The following CADPS2 variants were observed in gnomAD, a reference collection of about 807,000 sequenced individuals.
The protein encoded by CADPS2 is calcium-dependent secretion activator 2.
Under a neutral mutation model 172.5 loss-of-function variants are expected in CADPS2, and 93 were observed. That is an observed-to-expected ratio of 0.54 (90% CI 0.46 to 0.64). The LOEUF (loss-of-function observed/expected upper bound fraction) is 0.64, where lower values mean the gene tolerates loss of function less well. Among genes scored for constraint, CADPS2 ranks in the 30% least tolerant of loss-of-function variants. The probability of loss-of-function intolerance (pLI) is 0.00; values close to 1 mark genes in which losing one functional copy is unlikely to be tolerated. For missense variants in CADPS2, 1,420 were observed against 1,565.9 expected, an observed-to-expected ratio of 0.91 and a Z score of 1.57; for synonymous variants, 546 against 555.2, an observed-to-expected ratio of 0.98 and a Z score of 0.23.
chr7:122,355,671 C>A (rs2039302690), intron 27 of CADPS2, among the ~76,000 whole-genome samples: 1 of 151,568 alleles, frequency 6.6e-6, no homozygotes, highest in African/African-American at 2.4e-5. Context: ...TCTTTATCTT[C>A]TCATCATCTT....
chr7:122,583,779 A>G (rs967832917), intron 6 of CADPS2, among the ~76,000 whole-genome samples: 1 of 151,362 alleles, frequency 6.6e-6, no homozygotes, highest in African/African-American at 2.4e-5. Flanking sequence ...AATATCATAT[A>G]CATAACATAC....
chr7:122,491,626 C>T (rs1219207927), intron 9 of CADPS2, among the ~76,000 whole-genome samples: 3 of 152,080 alleles, frequency 2.0e-5, no homozygotes, highest in Non-Finnish European at 4.4e-5. Flanking sequence ...TCTTCTATGC[C>T]TATGATCCAG....
intron 6 of CADPS2, among the ~76,000 whole-genome samples, chr7:122,581,981 G>C (rs2068889546): frequency 6.6e-6 from 1 of 151,966 alleles, no homozygotes; most frequent in South Asian, 2.1e-4. Flanking sequence ...TTGCAGACCA[G>C]TTCATTCTAC....
intron 5 of CADPS2, among the ~76,000 whole-genome samples, chr7:122,618,210 C>G (rs988866038): frequency 1.3e-5 from 2 of 152,234 alleles, no homozygotes; most frequent in East Asian, 3.9e-4. Context: ...TCTTCTGAAG[C>G]CTTAATGAAC....
At chr7:122,825,307 G>A (rs1183205792) in intron 1 of CADPS2, among the ~76,000 whole-genome samples, 6 of 152,122 alleles carry the variant, frequency 3.9e-5, no homozygotes, top group African/African-American at 1.4e-4. Flanking sequence ...GCCATCAATT[G>A]TAAAAGCAAA....
intron 1 of CADPS2, among the ~76,000 whole-genome samples, chr7:122,839,529 A>T (rs564474173): frequency 3.3e-4 from 50 of 152,338 alleles, no homozygotes; most frequent in Admixed American, 2.1e-3. Context: ...CAATCTACTC[A>T]TCTGACAAAG....
At chr7:122,877,846 A>G (rs1436572197) in intron 1 of CADPS2, among the ~76,000 whole-genome samples, 1 of 152,180 alleles carries the variant, frequency 6.6e-6, no homozygotes, top group African/African-American at 2.4e-5. Flanking sequence ...CAGAAATCCT[A>G]TGATTTTTAA....
chr7:122,694,109 G>A (rs965088409), intron 2 of CADPS2, among the ~76,000 whole-genome samples: 5 of 152,186 alleles, frequency 3.3e-5, no homozygotes, highest in Non-Finnish European at 2.9e-5. Flanking sequence ...AATGATTCAG[G>A]GTAGGCAAAT....
At chr7:122,643,621 C>A (rs569301011) in intron 3 of CADPS2, among the ~76,000 whole-genome samples, 1 of 152,172 alleles carries the variant, frequency 6.6e-6, no homozygotes, top group African/African-American at 2.4e-5. Flanking sequence ...AATATGGTTC[C>A]CCTATTTCTG....
At position 122,730,382 on chromosome 7, in the gene CADPS2, C is replaced by T. The variant is rs939452359; in HGVS notation, c.453+6573G>A. Among the ~76,000 whole-genome samples, 3 of 151,678 alleles carry T rather than the reference C, an allele frequency of 2.0e-5. No homozygotes were observed. The South Asian group carries it at 6.2e-4, about 31-fold the overall frequency. On this transcript the variant is annotated intron_variant, in intron 2 of 29. Transcript: ENST00000449022. ...ACTACTTTGAGGGCAATTTAATAATCTGTATAAATAACCTAAACAGTGCTC... is the reference window on the plus strand; with the variant it reads ...ACTACTTTGAGGGCAATTTAATAATTTGTATAAATAACCTAAACAGTGCTC...
At chr7:122,521,801 A>G (rs2060822468) in intron 8 of CADPS2, among the ~76,000 whole-genome samples, 1 of 151,862 alleles carries the variant, frequency 6.6e-6, no homozygotes, top group Non-Finnish European at 1.5e-5. Flanking sequence ...TTCTTCACTT[A>G]TATTAGGTAT....
intron 7 of CADPS2, among the ~76,000 whole-genome samples, chr7:122,563,541 C>G (rs1352360725): frequency 1.3e-5 from 2 of 152,124 alleles, no homozygotes; most frequent in African/African-American, 4.8e-5. Context: ...CAGACACTTT[C>G]AATTTTATAT....
intron 25 of CADPS2, among the ~76,000 whole-genome samples, chr7:122,376,413 G>A (rs2042362030): frequency 6.6e-6 from 1 of 152,110 alleles, no homozygotes; most frequent in South Asian, 2.1e-4. Context: ...AGGAAATCCT[G>A]CCACTTGAGA....
chr7:122,655,725 G>A (rs1315905648), intron 3 of CADPS2, among the ~76,000 whole-genome samples: 3 of 151,698 alleles, frequency 2.0e-5, no homozygotes, highest in Non-Finnish European at 2.9e-5. Flanking sequence ...AAAGTGTCTT[G>A]GTTGCTTTCT....
chr7:122,885,957 A>G, intron 1 of CADPS2, 42 bp downstream of exon 1: 1 of 1,575,164 alleles, frequency 6.3e-7, no homozygotes, highest in East Asian at 2.3e-5. Flanking sequence ...AGAAAAACCC[A>G]GGGAGAAGTG....
At chr7:122,409,072 A>G (rs1039324263) in intron 19 of CADPS2, among the ~76,000 whole-genome samples, 1 of 152,242 alleles carries the variant, frequency 6.6e-6, no homozygotes, top group African/African-American at 2.4e-5. Flanking sequence ...AAAATTGAGC[A>G]TACTGTTTTT....
At chr7:122,470,910 A>T (rs1341973070) in intron 14 of CADPS2, among the ~76,000 whole-genome samples, 1 of 152,168 alleles carries the variant, frequency 6.6e-6, no homozygotes, top group Non-Finnish European at 1.5e-5. Context: ...TGGATTAGGG[A>T]AGTGGCTAAG....
In CADPS2 at chr7:122,686,771, G is replaced by A. The variant is rs762207942; in HGVS notation, c.454-23202C>T. Reference sequence around the variant, plus strand: ...ACAATCTCGGCTCACTGCAACCTCCGCCTCCCGTGCTCAAGCAATTCTCAT... The same window carrying A: ...ACAATCTCGGCTCACTGCAACCTCCACCTCCCGTGCTCAAGCAATTCTCAT... On this transcript the variant is annotated intron_variant, in intron 2 of 29. Transcript: ENST00000449022. Among the ~76,000 whole-genome samples, 7 of 152,086 alleles carry A rather than the reference G, an allele frequency of 4.6e-5. No individual in the cohort carries two copies. In the South Asian group the frequency reaches 6.2e-4, roughly 13 times the overall value.
chr7:122,707,348 G>T (rs1428473991), intron 2 of CADPS2, among the ~76,000 whole-genome samples: 1 of 151,776 alleles, frequency 6.6e-6, no homozygotes, highest in Non-Finnish European at 1.5e-5. Context: ...TTTTTAGAAG[G>T]TTATAACTAT....
Sources: allele counts gnomAD v4.1 joint callset (sites outside exome capture counted in the v4.1 genomes callset), GRCh38; gene constraint gnomAD v4.1.1; transcripts MANE v1.5; gene names NCBI Gene and HGNC (gene_info 2026-07-23, HGNC 2026-07-21).